The following SLC2A9 variants were observed in gnomAD, a reference collection of about 807,000 sequenced individuals.
SLC2A9 encodes the protein solute carrier family 2 member 9, also known as solute carrier family 2, facilitated glucose transporter member 9.
In SLC2A9, 39 loss-of-function variants were observed where a neutral mutation model predicts 50.6. That is an observed-to-expected ratio of 0.77 (90% CI 0.60 to 1.01). The LOEUF is 1.01. Among genes scored for constraint, SLC2A9 ranks in the 50% least tolerant of loss-of-function variants. SLC2A9 has a pLI of 0.00. For missense variants in SLC2A9, 686 were observed against 677.6 expected, an observed-to-expected ratio of 1.01 and a Z score of -0.14; for synonymous variants, 324 against 276.9, an observed-to-expected ratio of 1.17 and a Z score of -1.69.
intron 10 of SLC2A9, among the ~76,000 whole-genome samples, chr4:9,855,049 C>G (rs904405056): frequency 6.6e-6 from 1 of 152,162 alleles, no homozygotes; most frequent in African/African-American, 2.4e-5. Flanking sequence ...AGAACTAGAA[C>G]CAGATAAGGC....
Position 9,826,502 on chromosome 4 carries a change from G to C in SLC2A9, c.1518C>G (p.Thr506=), listed in dbSNP as rs771866622. The C allele has an allele frequency of 4.3e-6, 7 of 1,613,896 alleles. No individual in the cohort carries two copies. In the Admixed American group the frequency reaches 5.0e-5, roughly 12 times the overall value. ...YFVLPETKNR[T]YAEISQAFSK... ...AAAATGCCTGGCTGATTTCTGCATA[G>C]GTTCTGTTTTTGGTCTCAGGCAGCA... Residue 506 remains threonine, a synonymous_variant, in exon 12 of 12, where the codon ACC becomes ACG. Coordinates refer to ENST00000264784, the MANE Select transcript of SLC2A9 (RefSeq NM_020041.3).
downstream of SLC2A9, among the ~76,000 whole-genome samples, chr4:9,779,299 C>A (rs1016653998): frequency 3.3e-5 from 5 of 152,202 alleles, no homozygotes; most frequent in Non-Finnish European, 5.9e-5. Context: ...TGGCCAACCT[C>A]CCCAACTGCT....
At chr4:9,887,246 T>C (rs1212961528) in intron 10 of SLC2A9, among the ~76,000 whole-genome samples, 5 of 152,266 alleles carry the variant, frequency 3.3e-5, no homozygotes, top group African/African-American at 1.2e-4. Context: ...AGGCACAGAC[T>C]GTGACTTGGT....
rs372758943 is a variant in SLC2A9, at chr4:9,783,314, G to T, written n.386-3249C>A. 3 of 1,614,108 alleles carry T rather than the reference G, an allele frequency of 1.9e-6. No individual in the cohort carries two copies. The African/African-American group carries it at 4.0e-5, about 22-fold the overall frequency. ...CGGCAACCGGGAGGTGGACAACGAC[G>T]AGGAGGAGGGTCCTTTCGATCGCAT... On this transcript the variant is annotated intron_variant and non_coding_transcript_variant, in intron 3 of 3. Transcript: ENST00000503803.
rs35134320 is a variant in SLC2A9 at position 9,903,260 on chromosome 4, A to AT, written c.1113+4974dup. ...ACTACAGGCAACAGAAACCATAAGG[A>AT]TTTTTTTTTTTTTTACTACAAGTCA... On this transcript the variant is annotated intron_variant, in intron 8 of 11. Transcript: ENST00000264784. 9.9e-3 allele frequency among the ~76,000 whole-genome samples: 1,461 copies of AT among 147,178 alleles called. 14 individuals are homozygous for AT. Among genetic ancestry groups the AT allele is most frequent in the African/African-American group, 0.022 (870 of 40,306 alleles).
chr4:9,992,899 G>A (rs537316094), intron 3 of SLC2A9, among the ~76,000 whole-genome samples: 2 of 152,138 alleles, frequency 1.3e-5, no homozygotes, highest in African/African-American at 4.8e-5. Flanking sequence ...CCTCAGGTGG[G>A]TTTGTTTATC....
At chr4:10,000,363 T>A (rs1158573858) in intron 2 of SLC2A9, among the ~76,000 whole-genome samples, 1 of 152,140 alleles carries the variant, frequency 6.6e-6, no homozygotes, top group African/African-American at 2.4e-5. Flanking sequence ...ATGCATTGTA[T>A]CATTTAAGGA....
intron 3 of SLC2A9, among the ~76,000 whole-genome samples, chr4:9,986,982 TAGG>T (rs2109162968): frequency 6.6e-6 from 1 of 152,342 alleles, no homozygotes; most frequent in East Asian, 1.9e-4. Context: ...ACTCTTGCTA[TAGG>T]ATAGACCCTG....
At chr4:10,014,242 G>A (rs534346352) in intron 2 of SLC2A9, among the ~76,000 whole-genome samples, 3 of 152,278 alleles carry the variant, frequency 2.0e-5, no homozygotes, top group South Asian at 2.1e-4. Flanking sequence ...ATCGCTGGAC[G>A]CTGGGCTGAG....
At chr4:9,867,018 C>T (rs978971634) in intron 10 of SLC2A9, among the ~76,000 whole-genome samples, 6 of 152,188 alleles carry the variant, frequency 3.9e-5, no homozygotes, top group South Asian at 2.1e-4. Context: ...TATGGGGAGA[C>T]GAACAGTAGT....
Position 9,913,338 on chromosome 4 carries a change from A to T in SLC2A9, c.1003-4993T>A, listed in dbSNP as rs1383092677. ...GTGTGTGTGTGTGTGTGTGAGAGAG[A>T]GAGAGAGAGAGAGAGAGACAGAGAG... On this transcript the variant is annotated intron_variant, in intron 7 of 11. Transcript: ENST00000264784. Among the ~76,000 whole-genome samples, 336 of 133,750 alleles carry T rather than the reference A, an allele frequency of 2.5e-3. 1 individual carries two copies. The highest frequency in any genetic ancestry group is 4.2e-3 in the Non-Finnish European group (250 of 60,068). 87.7% of individuals were successfully genotyped at this position (133,750 alleles called of 152,430 possible).
At chr4:9,845,326 T>C (rs1367500048) in intron 10 of SLC2A9, among the ~76,000 whole-genome samples, 1 of 151,990 alleles carries the variant, frequency 6.6e-6, no homozygotes, top group African/African-American at 2.4e-5. Flanking sequence ...AGTTCAATTT[T>C]AATTTTATTT....
intron 1 of SLC2A9, among the ~76,000 whole-genome samples, chr4:10,038,506 C>CAAAAAAAAAAAAAAAAAA (rs35698968): frequency 2.0e-5 from 1 of 49,432 alleles, no homozygotes; most frequent in African/African-American, 8.8e-5. Context: ...GACTCTGTCT[C>CAAAAAAAAAAAAAAAAAA]AAAAAAAAAA....
intron 5 of SLC2A9, among the ~76,000 whole-genome samples, chr4:9,962,535 G>T (rs1453456964): frequency 6.6e-6 from 1 of 152,170 alleles, no homozygotes; most frequent in African/African-American, 2.4e-5. Context: ...CACGGACACA[G>T]TGAGGGGAAC....
chr4:9,955,466 G>A lies in SLC2A9; in HGVS notation c.682-13421C>T, dbSNP rs1203077092. ...GCCGAGATTGCGCCACTGCACTCCC[G>A]CCTGGGCCACAGAGCGAGACTCCGT... On this transcript the variant is annotated intron_variant, in intron 5 of 11. Coordinates refer to ENST00000264784, the MANE Select transcript of SLC2A9 (RefSeq NM_020041.3). Among the ~76,000 whole-genome samples the A allele has an allele frequency of 2.0e-4, 7 of 35,502 alleles. 2 individuals are homozygous for A. Among genetic ancestry groups the A allele is most frequent in the African/African-American group, 5.6e-4 (2 of 3,562 alleles). The allele number at this position is 35,502 out of a possible 152,430, so 23.3% of individuals were successfully genotyped here.
In SLC2A9 at chr4:9,782,753, A is replaced by G. The variant is rs202046441; in HGVS notation, n.386-2688T>C. On this transcript the variant is annotated intron_variant and non_coding_transcript_variant, in intron 3 of 3. Transcript: ENST00000503803. ...CTTCTACATCCCCGTTGCCATCATG[A>G]TCGTGACCTACACGCGCATCTACCG... 1.1e-4 allele frequency: 170 copies of G among 1,613,962 alleles called. 2 individuals are homozygous for G. The highest frequency in any genetic ancestry group is 3.7e-4 in the South Asian group (34 of 91,076).
intron 10 of SLC2A9, among the ~76,000 whole-genome samples, chr4:9,837,620 C>G (rs1727308365): frequency 6.6e-6 from 1 of 152,202 alleles, no homozygotes. Flanking sequence ...GGGCTTGAGG[C>G]CATGACTTGT....
chr4:9,980,326 C>T lies in SLC2A9; in HGVS notation c.681+266G>A, dbSNP rs76457286. Among the ~76,000 whole-genome samples the T allele has an allele frequency of 0.028, 4,252 of 152,158 alleles. 203 individuals are homozygous for T. Among genetic ancestry groups the T allele is most frequent in the African/African-American group, 0.097 (4,043 of 41,492 alleles). ...TAGGTTTTTAAAGCACAGAAGATGC[C>T]TAAACAAACACAAATTGAGCTATTA... On this transcript the variant is annotated intron_variant, in intron 5 of 11. Transcript: ENST00000264784.
chr4:9,790,043 G>C (rs1296711245), intron 3 of SLC2A9, among the ~76,000 whole-genome samples: 2 of 152,152 alleles, frequency 1.3e-5, no homozygotes, highest in African/African-American at 2.4e-5. Flanking sequence ...GTCCTCATTT[G>C]AAAAAGGAGG....
Sources: gnomAD v4.1 joint callset for allele counts (sites outside exome capture counted in the v4.1 genomes callset) on GRCh38, gnomAD v4.1.1 for gene constraint, MANE v1.5 for transcripts, NCBI Gene and HGNC (gene_info 2026-07-23, HGNC 2026-07-21) for gene names.